The following TAF2 variants were observed in gnomAD, a reference collection of about 807,000 sequenced individuals.
The protein encoded by TAF2 is transcription initiation factor TFIID subunit 2.
Under a neutral mutation model 138.5 loss-of-function variants are expected in TAF2, and 61 were observed. The observed-to-expected ratio is 0.44, with a 90% CI of 0.36 to 0.54. The LOEUF (loss-of-function observed/expected upper bound fraction) is 0.54, where lower values mean the gene tolerates loss of function less well. Among genes scored for constraint, TAF2 ranks in the 20% least tolerant of loss-of-function variants. The pLI, the probability that TAF2 is intolerant of heterozygous loss-of-function variation, is 0.00. For synonymous variants in TAF2, 475 were observed against 469.9 expected (o/e 1.01, Z -0.14); for missense variants, 1,090 against 1,427.9 (o/e 0.76, Z 3.81).
chr8:119,812,810 A>AC (rs869188648), intron 3 of TAF2, among the ~76,000 whole-genome samples: 1 of 242 alleles, frequency 4.1e-3, no homozygotes, highest in Non-Finnish European at 0.014. Flanking sequence ...GTATACATAC[A>AC]CCACACATAC....
At chr8:119,740,674 A>AG (rs1416649026) in intron 25 of TAF2, among the ~76,000 whole-genome samples, 1 of 85,566 alleles carries the variant, frequency 1.2e-5, no homozygotes, top group African/African-American at 4.3e-5. Flanking sequence ...AAAAAAAAAA[A>AG]AAAAAGAAAA....
chr8:119,804,110 A>G, intron 4 of TAF2, 91 bp from the exon 5 acceptor site: 1 of 1,455,172 alleles, frequency 6.9e-7, no homozygotes, highest in Non-Finnish European at 9.6e-7. Flanking sequence ...CATGAAATGG[A>G]ATTGAGGACT....
rs1019661604 is a variant in TAF2 at position 119,742,419 on chromosome 8, C to T, written c.3337+115G>A. The T allele has an allele frequency of 4.9e-5, 67 of 1,360,830 alleles. 1 individual carries two copies. The highest frequency in any genetic ancestry group is 6.6e-5 in the Non-Finnish European group (66 of 995,414). 84.3% of individuals were successfully genotyped at this position (1,360,830 alleles called of 1,614,324 possible). A position where few individuals can be genotyped will look rare whatever the true frequency, so the allele number is the denominator to read the frequency against. ...AAGCTCAATGTATTACAAGAAAAGC[C>T]AAGTCCTAAGATCTGTATTTTTAAA... On this transcript the variant is annotated intron_variant, in intron 25 of 25. Transcript: ENST00000378164.
Position 119,797,814 on chromosome 8 carries a change from T to C in TAF2, c.825A>G (p.Pro275=), listed in dbSNP as rs774388568. The change falls in exon 7 of 26, where the codon CCA becomes CCG. Residue 275 remains proline (P), a synonymous_variant. Coordinates refer to ENST00000378164, the MANE Select transcript of TAF2 (RefSeq NM_003184.4). ...GGTATGATGTGGTATGTTTCAGCAA[T>C]GGAAGAAGTTGGGGCAAACAAAAAT... ...VTHFCLPQLL[P]LLKHTTSYLH... is the part of the protein sequence containing the mutation. 2 of 1,613,490 alleles carry C rather than the reference T, an allele frequency of 1.2e-6. No homozygotes were observed. The highest frequency in any genetic ancestry group is 1.7e-6 in the Non-Finnish European group (2 of 1,179,668).
At chr8:119,773,667 T>TTC (rs1822004813) in intron 18 of TAF2, among the ~76,000 whole-genome samples, 1 of 151,396 alleles carries the variant, frequency 6.6e-6, no homozygotes, top group Non-Finnish European at 1.5e-5. Flanking sequence ...CCTCTCAAAT[T>TTC]CAATAAGCTC....
chr8:119,734,351 T>A (rs183383246), intron 25 of TAF2, among the ~76,000 whole-genome samples: 2,398 of 152,226 alleles, frequency 0.016, 63 homozygotes, highest in African/African-American at 0.055. Flanking sequence ...TTTCTTTTTT[T>A]AAAAAAGTAA....
intron 18 of TAF2, among the ~76,000 whole-genome samples, chr8:119,772,541 C>G (rs573213692): frequency 1.2e-4 from 19 of 152,264 alleles, no homozygotes; most frequent in African/African-American, 3.8e-4. Flanking sequence ...GAAGTCCAAA[C>G]CCAACTGTTA....
chr8:119,782,669 TTC>T (rs1187346006), intron 16 of TAF2, among the ~76,000 whole-genome samples: 1 of 152,230 alleles, frequency 6.6e-6, no homozygotes, highest in Non-Finnish European at 1.5e-5. Flanking sequence ...GTCTGCATTT[TTC>T]TGATTTTCAT....
At chr8:119,825,791 T>C (rs1235403502) in intron 2 of TAF2, among the ~76,000 whole-genome samples, 1 of 152,002 alleles carries the variant, frequency 6.6e-6, no homozygotes, top group Non-Finnish European at 1.5e-5. Flanking sequence ...TTCACACCAT[T>C]CTCCTGCCTC....
chr8:119,768,365 T>C (rs1157250260), intron 18 of TAF2, among the ~76,000 whole-genome samples: 1 of 152,230 alleles, frequency 6.6e-6, no homozygotes, highest in African/African-American at 2.4e-5. Context: ...TCATTAACTT[T>C]TCTCTTCCTT....
At chr8:119,770,669 A>G (rs916721317) in intron 18 of TAF2, among the ~76,000 whole-genome samples, 3 of 152,214 alleles carry the variant, frequency 2.0e-5, no homozygotes. Context: ...CACAGATCCT[A>G]TAATTACACA....
intron 18 of TAF2, among the ~76,000 whole-genome samples, chr8:119,772,805 C>T (rs533223350): frequency 6.6e-6 from 1 of 151,630 alleles, no homozygotes; most frequent in East Asian, 1.9e-4. Context: ...GGCGTGGTGG[C>T]AGACACCTAT....
chr8:119,829,100 T>C (rs895524289), intron 2 of TAF2, among the ~76,000 whole-genome samples: 1 of 152,056 alleles, frequency 6.6e-6, no homozygotes. Flanking sequence ...TGCGTTGGGG[T>C]TAAAAAGGTA....
chr8:119,799,489 C>T (rs553235960), intron 6 of TAF2, among the ~76,000 whole-genome samples: 2 of 152,106 alleles, frequency 1.3e-5, no homozygotes, highest in African/African-American at 2.4e-5. Flanking sequence ...TGAACTCATC[C>T]TTTTTTATGG....
chr8:119,824,910 A>G (rs1826006626), intron 2 of TAF2, among the ~76,000 whole-genome samples: 1 of 152,232 alleles, frequency 6.6e-6, no homozygotes, highest in African/African-American at 2.4e-5. Context: ...ATCCTCACAG[A>G]GAACCTCTCC....
In TAF2 at chr8:119,781,109, GACA is replaced by G. The variant is rs777352415; in HGVS notation, c.2194_2196del (p.Cys732del). On this transcript the variant is annotated inframe_deletion, in exon 17 of 26. Transcript: ENST00000378164. Reference sequence around the variant, plus strand: ...AAGTTGTTTGTTTTCACAATGTTTGGACAACTTTTACAACAAAACATCCTAGTG... The same window carrying G: ...AAGTTGTTTGTTTTCACAATGTTTGGACTTTTACAACAAAACATCCTAGTG... The G allele has an allele frequency of 1.2e-6, 2 of 1,613,960 alleles. No homozygotes were observed. Among genetic ancestry groups the G allele is most frequent in the Non-Finnish European group, 8.5e-7 (1 of 1,179,998 alleles).
intron 14 of TAF2, among the ~76,000 whole-genome samples, chr8:119,786,271 T>C (rs979597074): frequency 1.3e-5 from 2 of 152,160 alleles, no homozygotes; most frequent in East Asian, 1.9e-4. Context: ...CATGCTGATA[T>C]AGAGAAAAAA....
At position 119,788,094 on chromosome 8, in the gene TAF2, G is replaced by A. The variant is rs138604310; in HGVS notation, c.1793+244C>T. ...CACACACCGGGGCCTGTCAGGAGGT[G>A]GGGGGCTAGGGGAAGGAGAGCATTA... On this transcript the variant is annotated intron_variant, in intron 14 of 25. Transcript: ENST00000378164. Among the ~76,000 whole-genome samples, 1,378 of 152,226 alleles carry A rather than the reference G, an allele frequency of 9.1e-3. 20 individuals are homozygous for A. The highest frequency in any genetic ancestry group is 0.032 in the African/African-American group (1,314 of 41,538).
rs900468684 is a variant in TAF2 at position 119,732,068 on chromosome 8, A to ATGGTGATGG, written c.3447_3455dup (p.His1150_His1152dup). The ATGGTGATGG allele has an allele frequency of 3.7e-6, 6 of 1,614,022 alleles. No homozygotes were observed. The highest frequency in any genetic ancestry group is 5.1e-6 in the Non-Finnish European group (6 of 1,179,996). ...GCTTCTTCTTCTTTTTCTTGTGCTC[A>ATGGTGATGG]TGGTGATGGTGGTGATGGTGGTCAC... On this transcript the variant is annotated inframe_insertion, in exon 26 of 26. Coordinates refer to ENST00000378164, the MANE Select transcript of TAF2 (RefSeq NM_003184.4).
Sources: gnomAD v4.1 joint callset for allele counts (sites outside exome capture counted in the v4.1 genomes callset) on GRCh38, gnomAD v4.1.1 for gene constraint, MANE v1.5 for transcripts, NCBI Gene and HGNC (gene_info 2026-07-23, HGNC 2026-07-21) for gene names.